Variants in CALCR observed in about 807,000 individuals in gnomAD.
The protein encoded by CALCR is calcitonin receptor.
Under a neutral mutation model 59.5 loss-of-function variants are expected in CALCR, and 47 were observed. The ratio of observed to expected loss-of-function variants is 0.79; its 90% confidence interval spans 0.63 to 1.01. CALCR has a LOEUF of 1.01. Among genes scored for constraint, CALCR ranks in the 50% least tolerant of loss-of-function variants. CALCR has a pLI of 0.00. For missense variants in CALCR, 566 were observed against 597.1 expected, an observed-to-expected ratio of 0.95 and a Z score of 0.54; for synonymous variants, 213 against 211.3, an observed-to-expected ratio of 1.01 and a Z score of -0.07.
intron 2 of CALCR, among the ~76,000 whole-genome samples, chr7:93,513,540 G>T (rs1801592726): frequency 6.6e-6 from 1 of 151,942 alleles, no homozygotes; most frequent in South Asian, 2.1e-4. Flanking sequence ...TTTTCTAGAA[G>T]GTTGGTTTTT....
intron 2 of CALCR, among the ~76,000 whole-genome samples, chr7:93,500,621 G>A (rs2115998850): frequency 6.6e-6 from 1 of 152,096 alleles, no homozygotes; most frequent in South Asian, 2.1e-4. Flanking sequence ...TGGAGGTGGG[G>A]TAGAATGAAG....
chr7:93,556,437 C>T (rs985326571), intron 2 of CALCR, among the ~76,000 whole-genome samples: 8 of 151,938 alleles, frequency 5.3e-5, no homozygotes, highest in African/African-American at 1.9e-4. Context: ...TTTCTGATTG[C>T]CTTTAACAAA....
At chr7:93,453,330 A>G (rs1800146738) in intron 8 of CALCR, among the ~76,000 whole-genome samples, 1 of 152,100 alleles carries the variant, frequency 6.6e-6, no homozygotes, top group African/African-American at 2.4e-5. Flanking sequence ...ATACATTAGG[A>G]AAGCAAGGCA....
intron 2 of CALCR, among the ~76,000 whole-genome samples, chr7:93,499,790 A>G (rs917198666): frequency 4.6e-5 from 7 of 151,802 alleles, no homozygotes; most frequent in African/African-American, 1.7e-4. Context: ...AGTGGAACTA[A>G]ATTGGTTGCC....
At chr7:93,548,252 A>T (rs1367592711) in intron 2 of CALCR, among the ~76,000 whole-genome samples, 1 of 152,164 alleles carries the variant, frequency 6.6e-6, no homozygotes, top group African/African-American at 2.4e-5. Flanking sequence ...TGGATAGAGC[A>T]TCTTTTGGGG....
intron 2 of CALCR, among the ~76,000 whole-genome samples, chr7:93,540,756 TATA>T (rs925592843): frequency 4.0e-4 from 29 of 71,660 alleles, no homozygotes; most frequent in South Asian, 5.6e-4. Flanking sequence ...ATTTATATTA[TATA>T]ATATTATATT....
At chr7:93,434,361 A>C in intron 12 of CALCR, 67 bp from the exon 13 acceptor site, 4 of 1,041,218 alleles carry the variant, frequency 3.8e-6, no homozygotes, top group East Asian at 4.8e-5. Context: ...AGTAAACAAT[A>C]TAATAGACTG....
intron 2 of CALCR, among the ~76,000 whole-genome samples, chr7:93,571,961 T>C (rs1163184853): frequency 6.6e-6 from 1 of 152,196 alleles, no homozygotes; most frequent in Non-Finnish European, 1.5e-5. Flanking sequence ...TTACACAGTA[T>C]ACAGGTCTTA....
intron 2 of CALCR, among the ~76,000 whole-genome samples, chr7:93,517,232 T>C (rs1296380757): frequency 6.8e-6 from 1 of 147,776 alleles, no homozygotes; most frequent in Non-Finnish European, 1.5e-5. Context: ...AAAATGCTTC[T>C]AACCTCAGGA....
intron 8 of CALCR, among the ~76,000 whole-genome samples, chr7:93,448,862 T>G (rs988310745): frequency 6.6e-6 from 1 of 151,968 alleles, no homozygotes. Flanking sequence ...GGTGGCTGAC[T>G]GTTGATTTAC....
At chr7:93,463,554 G>A (rs1199098404) in intron 7 of CALCR, among the ~76,000 whole-genome samples, 1 of 151,864 alleles carries the variant, frequency 6.6e-6, no homozygotes, top group Non-Finnish European at 1.5e-5. Flanking sequence ...CAAAATATAT[G>A]ATTGTGCACT....
intron 8 of CALCR, among the ~76,000 whole-genome samples, chr7:93,446,347 G>A (rs1351768042): frequency 1.3e-5 from 2 of 151,880 alleles, no homozygotes; most frequent in Non-Finnish European, 2.9e-5. Flanking sequence ...CACTTAGATC[G>A]GTGTTTCATA....
At chr7:93,492,361 TA>T (rs199863702) in intron 2 of CALCR, among the ~76,000 whole-genome samples, 5 of 150,228 alleles carry the variant, frequency 3.3e-5, no homozygotes, top group African/African-American at 9.7e-5. Flanking sequence ...ACAAAAATAG[TA>T]AAAAAAAAGT....
intron 2 of CALCR, among the ~76,000 whole-genome samples, chr7:93,550,678 A>C (rs5014937): frequency 0.38 from 56,446 of 149,548 alleles, 11,913 homozygotes; most frequent in Non-Finnish European, 0.48. Context: ...AAAGGGTATC[A>C]GACAAGAACA....
At chr7:93,556,673 A>G (rs748799949) in intron 2 of CALCR, among the ~76,000 whole-genome samples, 7 of 150,938 alleles carry the variant, frequency 4.6e-5, no homozygotes, top group Admixed American at 1.3e-4. Context: ...ATCTATATAT[A>G]TATATTTTTT....
At chr7:93,506,461 G>A (rs1456688096) in intron 2 of CALCR, among the ~76,000 whole-genome samples, 1 of 152,086 alleles carries the variant, frequency 6.6e-6, no homozygotes, top group Non-Finnish European at 1.5e-5. Context: ...AGTGTTTAAT[G>A]CTACTTAGTG....
At chr7:93,554,746 A>G (rs770890212) in intron 2 of CALCR, among the ~76,000 whole-genome samples, 32 of 127,526 alleles carry the variant, frequency 2.5e-4, no homozygotes, top group Non-Finnish European at 4.2e-4. Context: ...CAAAGATGAT[A>G]GATGTTCAAA....
At chr7:93,463,072 A>G (rs557664068) in intron 7 of CALCR, among the ~76,000 whole-genome samples, 1 of 152,070 alleles carries the variant, frequency 6.6e-6, no homozygotes, top group South Asian at 2.1e-4. Flanking sequence ...GCAATTTTCC[A>G]GTACACCAAA....
At chr7:93,529,316 G>A (rs907285355) in intron 2 of CALCR, among the ~76,000 whole-genome samples, 1 of 152,070 alleles carries the variant, frequency 6.6e-6, no homozygotes, top group African/African-American at 2.4e-5. Context: ...CTCCCACCGT[G>A]TAAGATACCT....
Sources: gnomAD v4.1 joint callset for allele counts (sites outside exome capture counted in the v4.1 genomes callset) on GRCh38, gnomAD v4.1.1 for gene constraint, MANE v1.5 for transcripts, NCBI Gene and HGNC (gene_info 2026-07-23, HGNC 2026-07-21) for gene names.